GSE1: variants seen among roughly 807,000 people sequenced by gnomAD.
GSE1 encodes genetic suppressor element 1.
In GSE1, 32 loss-of-function variants were observed where a neutral mutation model predicts 112.6. That is an observed-to-expected ratio of 0.28 (90% confidence interval 0.21 to 0.38). GSE1 has a LOEUF of 0.38. Among genes scored for constraint, GSE1 ranks in the 10% least tolerant of loss-of-function variants. The pLI is 1.00. For synonymous variants in GSE1, 1,115 were observed against 735.6 expected (o/e 1.52, Z -8.35); for missense variants, 2,348 against 1,699.2 (o/e 1.38, Z -6.71).
chr16:85,282,184 T>C (rs1214042053), intron 1 of GSE1, among the ~76,000 whole-genome samples: 1 of 152,070 alleles, frequency 6.6e-6, no homozygotes, highest in Non-Finnish European at 1.5e-5. Flanking sequence ...TGCACCACCA[T>C]GCCCAGTTAA....
intron 1 of GSE1, among the ~76,000 whole-genome samples, chr16:85,559,495 C>A (rs1388796892): frequency 1.3e-5 from 2 of 152,210 alleles, no homozygotes; most frequent in Non-Finnish European, 2.9e-5. Flanking sequence ...GTTTCTATGC[C>A]TGATGCCAGA....
chr16:85,623,696 G>A (rs756941741), intron 1 of GSE1, among the ~76,000 whole-genome samples: 3 of 152,196 alleles, frequency 2.0e-5, no homozygotes, highest in African/African-American at 7.2e-5. Flanking sequence ...TGGTGTGGGC[G>A]TCCGCCCTGT....
Position 85,347,798 on chromosome 16 carries a change from C to T in GSE1, c.2284-9665C>T, listed in dbSNP as rs1044202149. Among the ~76,000 whole-genome samples, 46 of 152,320 alleles carry T rather than the reference C, an allele frequency of 3.0e-4. No individual in the cohort carries two copies. In the East Asian group the frequency reaches 5.2e-3, roughly 17 times the overall value. Reference sequence around the variant, plus strand: ...GGCATTGCAAAAGCCATCTTTGCCACAAGCTTCCGCTCTAGGACCTTCTGT... The same window carrying T: ...GGCATTGCAAAAGCCATCTTTGCCATAAGCTTCCGCTCTAGGACCTTCTGT... On this transcript the variant is annotated intron_variant, in intron 1 of 2. Coordinates refer to the GSE1 transcript ENST00000637419.
intron 2 of GSE1, among the ~76,000 whole-genome samples, chr16:85,493,049 G>C (rs992764535): frequency 7.9e-5 from 12 of 152,336 alleles, no homozygotes; most frequent in Non-Finnish European, 1.6e-4. Context: ...TGGTGCCAGT[G>C]GGGGACAGCG....
intron 1 of GSE1, chr16:85,357,425 TGGCCCA>T: frequency 8.7e-7 from 1 of 1,154,650 alleles, no homozygotes; most frequent in South Asian, 1.6e-5. Flanking sequence ...CCTGCAGGCA[TGGCCCA>T]GGCTCACTGT....
intron 2 of GSE1, among the ~76,000 whole-genome samples, chr16:85,459,087 G>A (rs763502439): frequency 7.9e-5 from 12 of 152,142 alleles, no homozygotes; most frequent in Non-Finnish European, 1.0e-4. Flanking sequence ...GTGGTGCCTC[G>A]GCTCATCATC....
At chr16:85,249,415 TGCAG>T (rs753712215) in intron 1 of GSE1, among the ~76,000 whole-genome samples, 3 of 152,230 alleles carry the variant, frequency 2.0e-5, no homozygotes, top group Non-Finnish European at 4.4e-5. Context: ...TGTGGGCCTG[TGCAG>T]GCAGCAACCC....
At chr16:85,577,666 G>A (rs1443656955) in intron 1 of GSE1, among the ~76,000 whole-genome samples, 4 of 152,132 alleles carry the variant, frequency 2.6e-5, no homozygotes, top group East Asian at 3.9e-4. Flanking sequence ...AGGGTCACCC[G>A]GCAGGTCCTG....
At chr16:85,176,872 G>C (rs1489135191) in intron 1 of GSE1, among the ~76,000 whole-genome samples, 1 of 152,236 alleles carries the variant, frequency 6.6e-6, no homozygotes, top group African/African-American at 2.4e-5. Context: ...CTGCGCCCAC[G>C]CAGTTCCCTG....
intron 1 of GSE1, among the ~76,000 whole-genome samples, chr16:85,576,511 C>A (rs2046233328): frequency 6.6e-6 from 1 of 152,166 alleles, no homozygotes; most frequent in Non-Finnish European, 1.5e-5. Flanking sequence ...GAGCTCGGAT[C>A]ACCTGACATC....
rs578187291 is a variant in GSE1, at chr16:85,311,532, G to A, written c.2284-45931G>A. On this transcript the variant is annotated intron_variant, in intron 1 of 2. Transcript: ENST00000637419. The surrounding 1 kb of genome is among the most constrained non-coding windows in gnomAD (Gnocchi z 4.2). ...GGAGGGAGGGAGGGAAGGAGGTGCC[G>A]GGGTGCTCACCTTCCCCGAGGCTTT... Among the ~76,000 whole-genome samples the A allele has an allele frequency of 3.9e-5, 6 of 152,192 alleles. No individual in the cohort carries two copies. The East Asian group carries it at 7.8e-4, about 20-fold the overall frequency.
At chr16:85,646,991 A>G (rs1167135054) in intron 2 of GSE1, among the ~76,000 whole-genome samples, 1 of 152,054 alleles carries the variant, frequency 6.6e-6, no homozygotes, top group African/African-American at 2.4e-5. Context: ...CCCTGCCACC[A>G]CACACACTTG....
intron 1 of GSE1, among the ~76,000 whole-genome samples, chr16:85,573,318 T>A (rs577509762): frequency 6.6e-6 from 1 of 152,302 alleles, no homozygotes; most frequent in African/African-American, 2.4e-5. Context: ...CATAGCCAAG[T>A]CGTCTGTCCT....
chr16:85,634,888 C>G (rs556703545), intron 2 of GSE1, among the ~76,000 whole-genome samples: 20 of 152,300 alleles, frequency 1.3e-4, no homozygotes, highest in African/African-American at 4.8e-4. Context: ...GCGGCTGGAG[C>G]TGCTGGGGGC....
chr16:85,403,212 G>A (rs997579519), intron 2 of GSE1, among the ~76,000 whole-genome samples: 6 of 152,166 alleles, frequency 3.9e-5, no homozygotes, highest in African/African-American at 9.7e-5. Flanking sequence ...GCCAGGGTGC[G>A]GGGGAGGGTA....
intron 2 of GSE1, chr16:85,463,233 C>A: frequency 2.6e-6 from 1 of 390,980 alleles, no homozygotes. Flanking sequence ...CGCACTCACC[C>A]AGCCTCGCCC....
At chr16:85,176,031 C>G (rs918374955) in intron 1 of GSE1, among the ~76,000 whole-genome samples, 1 of 151,328 alleles carries the variant, frequency 6.6e-6, no homozygotes, top group Admixed American at 6.6e-5. Flanking sequence ...CTCTGTTGCC[C>G]AGGCTGGCGT....
At chr16:85,504,663 AAT>A (rs1378207739) in intron 2 of GSE1, among the ~76,000 whole-genome samples, 6 of 152,266 alleles carry the variant, frequency 3.9e-5, no homozygotes, top group African/African-American at 1.4e-4. Flanking sequence ...TAAGGAAAAA[AAT>A]GGCAAGTGAG....
At chr16:85,509,222 G>A (rs940440726) in intron 2 of GSE1, among the ~76,000 whole-genome samples, 32 of 152,328 alleles carry the variant, frequency 2.1e-4, no homozygotes, top group African/African-American at 6.7e-4. Context: ...TGGACGCAAG[G>A]GGGCAGGAAG....
Sources: gnomAD v4.1 joint callset for allele counts (sites outside exome capture counted in the v4.1 genomes callset) on GRCh38, gnomAD v4.1.1 for gene constraint, Gnocchi (gnomAD v3.1) non-coding constraint, MANE v1.5 for transcripts, NCBI Gene and HGNC (gene_info 2026-07-23, HGNC 2026-07-21) for gene names.